Variants in ABCB4 observed in about 807,000 individuals in gnomAD.
ABCB4 encodes the protein phosphatidylcholine translocator ABCB4.
Under a neutral mutation model 145.7 loss-of-function variants are expected in ABCB4, and 76 were observed. That is an observed-to-expected ratio of 0.52 (90% CI 0.43 to 0.63). ABCB4 has a LOEUF of 0.63. Among genes scored for constraint, ABCB4 ranks in the 30% least tolerant of loss-of-function variants. ABCB4 has a pLI of 0.00. For missense variants in ABCB4, 1,234 were observed against 1,553.1 expected (o/e 0.79, Z 3.45); for synonymous variants, 517 against 566.8 (o/e 0.91, Z 1.25).
At chr7:87,467,103 G>T (rs999636209) in intron 3 of ABCB4, among the ~76,000 whole-genome samples, 2 of 152,038 alleles carry the variant, frequency 1.3e-5, no homozygotes, top group Admixed American at 6.6e-5. Context: ...ACACAGACTG[G>T]CAAACTGGAT....
intron 4 of ABCB4, among the ~76,000 whole-genome samples, chr7:87,461,832 C>T (rs1305344681): frequency 6.6e-6 from 1 of 152,186 alleles, no homozygotes; most frequent in Non-Finnish European, 1.5e-5. Flanking sequence ...ACAATAGTAA[C>T]TAAATATGTA....
At position 87,408,105 on chromosome 7, in the gene ABCB4, T is replaced by A. The variant is rs542917895; in HGVS notation, c.3211A>T (p.Ser1071Cys). 6.2e-7 allele frequency: 1 copy of A among 1,614,246 alleles called. No individual in the cohort carries two copies. Among genetic ancestry groups the A allele is most frequent in the South Asian group, 1.1e-5 (1 of 91,086 alleles). The change falls in exon 25 of 28, where the codon AGT (serine) becomes TGT (cysteine). Residue 1071 changes from serine (S) to cysteine (C), a missense_variant. Around this residue, in one of 7 missense-constraint regions of ABCB4, gnomAD observed 301 missense variants for 389.0 expected, o/e 0.77. Transcript: ENST00000649586. ...ACCACCGTGCTCTTCCCACAGCCAC[T>A]GCTGCCCACCAGGGCTAGTGTCTGG... ...KGQTLALVGS[S>C]GCGKSTVVQL...
chr7:87,413,430 A>G (rs1304158241), intron 22 of ABCB4, among the ~76,000 whole-genome samples, 187 bp downstream of exon 22: 1 of 152,214 alleles, frequency 6.6e-6, no homozygotes, highest in Non-Finnish European at 1.5e-5. Flanking sequence ...TAAGATGTAA[A>G]AAATATAATT....
chr7:87,424,931 A>G (rs31669), intron 16 of ABCB4, among the ~76,000 whole-genome samples: 138,592 of 152,148 alleles, frequency 0.91, 63,275 homozygotes, highest in Middle Eastern at 0.94. Context: ...AATCCCAAAA[A>G]CTTGAGGTCA....
chr7:87,425,998 A>G (rs1273942082), intron 16 of ABCB4, among the ~76,000 whole-genome samples: 1 of 152,076 alleles, frequency 6.6e-6, no homozygotes, highest in Non-Finnish European at 1.5e-5. Flanking sequence ...GAGAATTCCA[A>G]TCTAATTTAG....
Position 87,402,318 on chromosome 7 carries a change from A to T in ABCB4, c.3634-16T>A, listed in dbSNP as rs1807841790. The T allele has an allele frequency of 1.2e-6, 2 of 1,613,778 alleles. No individual in the cohort carries two copies. The highest frequency in any genetic ancestry group is 1.3e-5 in the African/African-American group (1 of 74,932). Reference sequence around the variant, plus strand: ...CTTGGACAACCTATTGATAAATCAGACAGACACCTTATCCCAAAAATTGTA... The same window carrying T: ...CTTGGACAACCTATTGATAAATCAGTCAGACACCTTATCCCAAAAATTGTA... On this transcript the variant is annotated splice_polypyrimidine_tract_variant and intron_variant, in intron 27 of 27. Transcript: ENST00000649586.
At position 87,425,055 on chromosome 7, in the gene ABCB4, C is replaced by T. The variant is rs182643158; in HGVS notation, c.2065-1003G>A. ...GTATTTCAGGGTTTTTTTTTTTCCT[C>T]CCTAGTTAACATTATCTTTAAGTCC... On this transcript the variant is annotated intron_variant, in intron 16 of 27. Transcript: ENST00000649586. Among the ~76,000 whole-genome samples, 11 of 151,090 alleles carry T rather than the reference C, an allele frequency of 7.3e-5. No homozygotes were observed. The East Asian group carries it at 2.1e-3, about 29-fold the overall frequency.
chr7:87,386,040 T>C, the ABCB4 span, among the ~76,000 whole-genome samples: 1 of 152,238 alleles, frequency 6.6e-6, no homozygotes, highest in Non-Finnish European at 1.5e-5. Flanking sequence ...GAGTGATCTT[T>C]TTAATGTGCT....
In ABCB4 at chr7:87,413,612, A is replaced by T. The variant is rs776065798; in HGVS notation, c.2783+5T>A. 6.4e-7 allele frequency: 1 copy of T among 1,566,808 alleles called. No individual in the cohort carries two copies. The highest frequency in any genetic ancestry group is 1.1e-5 in the South Asian group (1 of 90,094). The stretch of plus-strand genomic sequence containing the variant: ...GTTCTTAGCAGGAATCATATGGTTC[A>T]TTACCTGTAAGGTCCATACAATTTT... On this transcript the variant is annotated splice_donor_5th_base_variant and intron_variant, in intron 22 of 27. Coordinates refer to ENST00000649586, the MANE Select transcript of ABCB4 (RefSeq NM_000443.4).
At chr7:87,406,806 C>A (rs1314045482) in intron 25 of ABCB4, among the ~76,000 whole-genome samples, 1 of 152,188 alleles carries the variant, frequency 6.6e-6, no homozygotes, top group Non-Finnish European at 1.5e-5. Context: ...AAGCCTGCAT[C>A]AAGGTGTCCC....
At chr7:87,417,822 A>G (rs1809094313) in intron 20 of ABCB4, among the ~76,000 whole-genome samples, 1 of 152,238 alleles carries the variant, frequency 6.6e-6, no homozygotes, top group Non-Finnish European at 1.5e-5. Flanking sequence ...TGCAATGTTC[A>G]AAGAGGAAAC....
intron 16 of ABCB4, among the ~76,000 whole-genome samples, chr7:87,425,739 G>T (rs529939182): frequency 3.9e-4 from 60 of 152,090 alleles, no homozygotes; most frequent in Non-Finnish European, 5.7e-4. Context: ...AGCCAGGTGT[G>T]GTGGCACACA....
chr7:87,392,921 A>T, the ABCB4 span: 8 of 1,612,764 alleles, frequency 5.0e-6, no homozygotes, highest in Non-Finnish European at 6.8e-6. Context: ...TAGGCCTAGT[A>T]AAATGTTCTT....
intron 6 of ABCB4, chr7:87,452,285 AGAAACTTCCAGCG>A: frequency 5.1e-6 from 1 of 194,632 alleles, no homozygotes; most frequent in Admixed American, 5.4e-5. Flanking sequence ...TCCTCAGCTC[AGAAACTTCCAGCG>A]GCTGCCATTT....
At chr7:87,381,839 G>A in the ABCB4 span, 1 of 1,058,476 alleles carries the variant, frequency 9.4e-7, no homozygotes, top group South Asian at 1.5e-5. Flanking sequence ...GACACAAAGT[G>A]AAAATAAAAT....
chr7:87,373,018 G>C, the ABCB4 span, among the ~76,000 whole-genome samples: 4 of 152,000 alleles, frequency 2.6e-5, no homozygotes, highest in African/African-American at 9.7e-5. Flanking sequence ...CAGGTCATAT[G>C]GTAATTCTAT....
the ABCB4 span, among the ~76,000 whole-genome samples, chr7:87,370,517 T>C: frequency 6.6e-6 from 1 of 152,168 alleles, no homozygotes; most frequent in Non-Finnish European, 1.5e-5. Flanking sequence ...TAACAGAGAA[T>C]CAGTTGTTCT....
Position 87,462,821 on chromosome 7 carries a change from T to A in ABCB4, c.223A>T (p.Met75Leu). The part of the protein sequence containing the change: ...IAHGSGLPLM[M>L]IVFGEMTDKF... ...TCAGTCATCTCTCCAAATACTATCA[T>A]CATGAGGGGGAGACCTGATCCGTGA... The change falls in exon 4 of 28, where the codon ATG (methionine) becomes TTG (leucine). Residue 75 changes from methionine (M) to leucine (L), a missense_variant. Met to Leu is a conservative substitution (Grantham distance 15). Coordinates refer to ENST00000649586, the MANE Select transcript of ABCB4 (RefSeq NM_000443.4). 6.2e-7 allele frequency: 1 copy of A among 1,613,854 alleles called. No homozygotes were observed. Among genetic ancestry groups the A allele is most frequent in the East Asian group, 2.2e-5 (1 of 44,848 alleles).
chr7:87,403,114 A>G lies in ABCB4; in HGVS notation c.3633+21T>C, dbSNP rs747922826. On this transcript the variant is annotated intron_variant, in intron 27 of 27. Transcript: ENST00000649586. ...CTATTTCATAAATTAAATAAGACAT[A>G]AGTTGGGAGGCCACACACACCTTTT... 6 of 1,613,366 alleles carry G rather than the reference A, an allele frequency of 3.7e-6. No homozygotes were observed. In the African/African-American group the frequency reaches 5.3e-5, roughly 14 times the overall value.
Sources: allele counts gnomAD v4.1 joint callset (sites outside exome capture counted in the v4.1 genomes callset), GRCh38; gene constraint gnomAD v4.1.1; regional missense constraint gnomAD v4.1.1; transcripts MANE v1.5; gene names NCBI Gene and HGNC (gene_info 2026-07-23, HGNC 2026-07-21).